LYRM4: variants seen among roughly 807,000 people sequenced by gnomAD.
The protein encoded by LYRM4 is LYR motif containing 4.
Under a neutral mutation model 11.7 loss-of-function variants are expected in LYRM4, and 9 were observed. That is an observed-to-expected ratio of 0.77 (90% CI 0.46 to 1.34). The LOEUF is 1.34. LYRM4 is among the 40% of genes most tolerant of loss of function. The pLI, the probability that LYRM4 is intolerant of heterozygous loss-of-function variation, is 0.00. For synonymous variants in LYRM4, 42 were observed against 40.4 expected, an observed-to-expected ratio of 1.04 and a Z score of -0.15; for missense variants, 133 against 112.5, an observed-to-expected ratio of 1.18 and a Z score of -0.82.
chr6:5,248,292 A>G (rs549794475), intron 1 of LYRM4, among the ~76,000 whole-genome samples: 1 of 152,346 alleles, frequency 6.6e-6, no homozygotes, highest in Admixed American at 6.5e-5. Flanking sequence ...ACATTGCTGT[A>G]GCCAGGCCTC....
At chr6:5,136,559 T>C in intron 2 of LYRM4, 7 of 968,720 alleles carry the variant, frequency 7.2e-6, no homozygotes, top group Non-Finnish European at 8.6e-6. Flanking sequence ...AGTTAGATGG[T>C]ATTTATAATG....
the LYRM4 span, among the ~76,000 whole-genome samples, chr6:5,059,974 T>C: frequency 2.0e-4 from 31 of 152,244 alleles, no homozygotes; most frequent in Middle Eastern, 3.4e-3. Flanking sequence ...CTTTAATCTA[T>C]CTTTTGTCAG....
At chr6:5,192,309 G>C (rs537101511) in intron 2 of LYRM4, among the ~76,000 whole-genome samples, 1 of 152,232 alleles carries the variant, frequency 6.6e-6, no homozygotes, top group East Asian at 1.9e-4. Flanking sequence ...ACGGCTGGGG[G>C]CAAGGCAGGA....
intron 2 of LYRM4, among the ~76,000 whole-genome samples, chr6:5,209,459 G>A (rs1457916358): frequency 6.6e-6 from 1 of 152,126 alleles, no homozygotes; most frequent in Non-Finnish European, 1.5e-5. Context: ...TTTTAAATAT[G>A]TAGATTGATC....
At chr6:5,071,333 T>C in the LYRM4 span, among the ~76,000 whole-genome samples, 1 of 152,154 alleles carries the variant, frequency 6.6e-6, no homozygotes, top group Non-Finnish European at 1.5e-5. Context: ...TACAATGATA[T>C]CTATTTAAAA....
the LYRM4 span, chr6:5,089,105 T>C: frequency 6.6e-6 from 1 of 152,228 alleles, no homozygotes; most frequent in African/African-American, 2.4e-5. Flanking sequence ...AGTTAACATA[T>C]TACAATTTAG....
the LYRM4 span, among the ~76,000 whole-genome samples, chr6:5,072,973 TTTAAA>T: frequency 1.3e-5 from 2 of 152,210 alleles, no homozygotes; most frequent in Admixed American, 6.5e-5. Context: ...AAACATAATT[TTTAAA>T]TTAATTGCAT....
At chr6:5,253,903 C>T (rs547943062) in intron 1 of LYRM4, among the ~76,000 whole-genome samples, 3 of 151,726 alleles carry the variant, frequency 2.0e-5, no homozygotes, top group Admixed American at 6.6e-5. Flanking sequence ...AACCATTTCT[C>T]GATCAGATTG....
intron 2 of LYRM4, among the ~76,000 whole-genome samples, chr6:5,149,624 T>C (rs1466696961): frequency 1.5e-5 from 1 of 67,422 alleles, no homozygotes; most frequent in Non-Finnish European, 3.0e-5. Context: ...GGGGTGGGGG[T>C]GGGAAGAGGA....
the LYRM4 span, among the ~76,000 whole-genome samples, chr6:5,083,171 C>T: frequency 6.6e-6 from 1 of 152,248 alleles, no homozygotes; most frequent in Non-Finnish European, 1.5e-5. Flanking sequence ...ACCTCCTTCT[C>T]TGTCCTGGAG....
At chr6:5,152,691 T>C (rs1420968710) in intron 2 of LYRM4, among the ~76,000 whole-genome samples, 1 of 152,234 alleles carries the variant, frequency 6.6e-6, no homozygotes, top group Non-Finnish European at 1.5e-5. Context: ...ACTCTCATAA[T>C]CAGCTAAGCT....
intron 2 of LYRM4, among the ~76,000 whole-genome samples, chr6:5,204,276 T>G (rs778989876): frequency 2.0e-5 from 3 of 152,096 alleles, no homozygotes; most frequent in African/African-American, 7.2e-5. Flanking sequence ...TTCAACTGAC[T>G]CTGGGGGTGG....
intron 1 of LYRM4, among the ~76,000 whole-genome samples, chr6:5,253,576 T>C (rs1764529753): frequency 6.6e-6 from 1 of 152,290 alleles, no homozygotes; most frequent in Non-Finnish European, 1.5e-5. Context: ...TCATTTGGCC[T>C]AGGAACTGCT....
intron 2 of LYRM4, among the ~76,000 whole-genome samples, chr6:5,164,008 G>A (rs905977613): frequency 6.6e-6 from 1 of 152,148 alleles, no homozygotes. Flanking sequence ...ATAAATACAT[G>A]AAAAGGCAAT....
At chr6:5,221,773 G>A (rs1407112448) in intron 1 of LYRM4, among the ~76,000 whole-genome samples, 1 of 152,238 alleles carries the variant, frequency 6.6e-6, no homozygotes. Flanking sequence ...GAATCTTCAT[G>A]CAGTCAACTG....
chr6:5,117,032 C>T (rs916088195), intron 2 of LYRM4, among the ~76,000 whole-genome samples: 5 of 152,204 alleles, frequency 3.3e-5, no homozygotes, highest in African/African-American at 7.2e-5. Flanking sequence ...GGAATCCCTA[C>T]TCCTGCCTCT....
At chr6:5,163,243 T>C (rs2127657003) in intron 2 of LYRM4, among the ~76,000 whole-genome samples, 1 of 152,326 alleles carries the variant, frequency 6.6e-6, no homozygotes, top group African/African-American at 2.4e-5. Context: ...ATGTATGGTA[T>C]GAGGAAGGGG....
chr6:5,242,474 C>G (rs559207258), intron 1 of LYRM4, among the ~76,000 whole-genome samples: 1 of 151,366 alleles, frequency 6.6e-6, no homozygotes, highest in South Asian at 2.1e-4. Flanking sequence ...AATCCCAGCA[C>G]TTTGGGGGGC....
At chr6:5,206,551 A>G (rs776598070) in intron 2 of LYRM4, among the ~76,000 whole-genome samples, 37 of 152,198 alleles carry the variant, frequency 2.4e-4, no homozygotes, top group Admixed American at 1.0e-3. Context: ...TTGGAAACCA[A>G]TATGCTCAAA....
Sources: gnomAD v4.1 joint callset for allele counts (sites outside exome capture counted in the v4.1 genomes callset) on GRCh38, gnomAD v4.1.1 for gene constraint, MANE v1.5 for transcripts, NCBI Gene and HGNC (gene_info 2026-07-23, HGNC 2026-07-21) for gene names.